OSBPL10: variants seen among roughly 807,000 people sequenced by gnomAD.
The protein encoded by OSBPL10 is oxysterol binding protein like 10, also known as oxysterol-binding protein-related protein 10.
A neutral mutation model predicts 81.7 loss-of-function variants in OSBPL10; 49 were observed. The observed-to-expected ratio is 0.60, with a 90% confidence interval of 0.48 to 0.76. The LOEUF (loss-of-function observed/expected upper bound fraction) is 0.76. Among genes scored for constraint, OSBPL10 ranks in the 30% least tolerant of loss-of-function variants. The probability of loss-of-function intolerance (pLI) is 0.00; values close to 1 mark genes in which losing one functional copy is unlikely to be tolerated. For missense variants in OSBPL10, 923 were observed against 987.8 expected (o/e 0.93, Z 0.88); for synonymous variants, 419 against 383.6 (o/e 1.09, Z -1.08).
intron 1 of OSBPL10, among the ~76,000 whole-genome samples, chr3:31,915,406 A>G (rs1370787021): frequency 6.6e-6 from 1 of 152,174 alleles, no homozygotes; most frequent in Admixed American, 6.5e-5. Context: ...TGTGGTACAC[A>G]TATATCATGG....
intron 3 of OSBPL10, among the ~76,000 whole-genome samples, chr3:31,875,028 G>A (rs1224596381): frequency 2.1e-5 from 3 of 145,604 alleles, no homozygotes; most frequent in African/African-American, 7.7e-5. Context: ...AACCAAAAAG[G>A]AGTGCAAGTA....
chr3:31,780,606 A>G (rs969001924), intron 4 of OSBPL10, among the ~76,000 whole-genome samples: 15 of 152,186 alleles, frequency 9.9e-5, no homozygotes, highest in Non-Finnish European at 2.2e-4. Flanking sequence ...AATAAGCTCA[A>G]TTAGAAAGAA....
intron 6 of OSBPL10, chr3:31,732,746 C>T: frequency 6.1e-6 from 1 of 164,478 alleles, no homozygotes; most frequent in Non-Finnish European, 1.3e-5. Flanking sequence ...CCTGACGAGG[C>T]AGTGCATATC....
chr3:31,821,415 T>C (rs1424060438), intron 4 of OSBPL10, among the ~76,000 whole-genome samples: 1 of 152,204 alleles, frequency 6.6e-6, no homozygotes, highest in African/African-American at 2.4e-5. Context: ...CCAGCCAACC[T>C]GCTTCACTAT....
chr3:31,693,195 T>C (rs1341721524), intron 7 of OSBPL10, among the ~76,000 whole-genome samples: 1 of 152,166 alleles, frequency 6.6e-6, no homozygotes, highest in East Asian at 1.9e-4. Flanking sequence ...ATCTCTGCCT[T>C]GTGGGGTTCA....
intron 3 of OSBPL10, among the ~76,000 whole-genome samples, chr3:31,871,137 G>A (rs1701313465): frequency 6.6e-6 from 1 of 152,162 alleles, no homozygotes; most frequent in East Asian, 1.9e-4. Flanking sequence ...CTTCTGCACT[G>A]TAGAAGGTTT....
intron 4 of OSBPL10, among the ~76,000 whole-genome samples, chr3:31,809,815 T>C (rs535415731): frequency 6.9e-4 from 103 of 149,862 alleles, no homozygotes; most frequent in Admixed American, 1.5e-3. Context: ...ATTCAAAAAA[T>C]GGGATTGGAA....
chr3:31,914,504 C>T (rs1474007036), intron 1 of OSBPL10, among the ~76,000 whole-genome samples: 1 of 152,150 alleles, frequency 6.6e-6, no homozygotes, highest in Non-Finnish European at 1.5e-5. Context: ...GTCAGTATAT[C>T]TCATGTGACT....
At chr3:31,825,910 T>G (rs1700088804) in intron 4 of OSBPL10, among the ~76,000 whole-genome samples, 2 of 152,226 alleles carry the variant, frequency 1.3e-5, no homozygotes, top group Non-Finnish European at 2.9e-5. Flanking sequence ...TCTGTATAGT[T>G]ATTTTCCTAC....
At chr3:31,691,608 T>C (rs1327428072) in intron 7 of OSBPL10, among the ~76,000 whole-genome samples, 1 of 152,118 alleles carries the variant, frequency 6.6e-6, no homozygotes, top group Non-Finnish European at 1.5e-5. Flanking sequence ...GTAGTCTTAC[T>C]GTTGTCTTAG....
intron 4 of OSBPL10, among the ~76,000 whole-genome samples, chr3:31,804,068 A>C (rs1699464135): frequency 6.6e-6 from 1 of 152,218 alleles, no homozygotes; most frequent in Admixed American, 6.5e-5. Flanking sequence ...ATTAGTGTAC[A>C]TCAATGGTTC....
chr3:31,769,416 G>C (rs1174204661), intron 4 of OSBPL10, among the ~76,000 whole-genome samples: 4 of 113,622 alleles, frequency 3.5e-5, no homozygotes, highest in Admixed American at 1.2e-4. Flanking sequence ...CTGCACTCCA[G>C]CCTGGGCAAC....
At chr3:31,719,224 G>GA (rs139481556) in intron 6 of OSBPL10, among the ~76,000 whole-genome samples, 1 of 152,162 alleles carries the variant, frequency 6.6e-6, no homozygotes, top group Admixed American at 6.5e-5. Context: ...ATCTTCATGA[G>GA]AAAAAATTTT....
At chr3:32,011,384 A>G (rs559909969) in intron 2 of OSBPL10, among the ~76,000 whole-genome samples, 1 of 152,338 alleles carries the variant, frequency 6.6e-6, no homozygotes, top group East Asian at 1.9e-4. Context: ...GAGGGTCCTG[A>G]CTGTTAGAAG....
At chr3:31,963,580 C>T (rs1698229681) in intron 1 of OSBPL10, among the ~76,000 whole-genome samples, 1 of 152,110 alleles carries the variant, frequency 6.6e-6, no homozygotes. Flanking sequence ...ACACACCCAC[C>T]CAAAGAGGCG....
upstream of OSBPL10, among the ~76,000 whole-genome samples, chr3:31,985,015 G>A (rs1335557290): frequency 2.0e-5 from 3 of 152,202 alleles, no homozygotes; most frequent in Non-Finnish European, 1.5e-5. Flanking sequence ...AAGGTGGGCG[G>A]GTCACGTGAG....
intron 2 of OSBPL10, chr3:31,990,836 G>T (rs1446886534): frequency 1.3e-6 from 2 of 1,589,310 alleles, no homozygotes; most frequent in African/African-American, 2.7e-5. Context: ...AAACAAAGGA[G>T]AATTCATATG....
chr3:31,708,309 A>G (rs1191680134), intron 6 of OSBPL10, among the ~76,000 whole-genome samples: 1 of 152,178 alleles, frequency 6.6e-6, no homozygotes, highest in African/African-American at 2.4e-5. Context: ...AGTCCCTTTT[A>G]TCTCTAGTCA....
At chr3:31,835,346 C>A (rs925377114) in intron 3 of OSBPL10, among the ~76,000 whole-genome samples, 1 of 151,638 alleles carries the variant, frequency 6.6e-6, no homozygotes, top group African/African-American at 2.4e-5. Context: ...TTAATACTTG[C>A]GATAAACAAA....
Sources: allele counts gnomAD v4.1 joint callset (sites outside exome capture counted in the v4.1 genomes callset), GRCh38; gene constraint gnomAD v4.1.1; transcripts MANE v1.5; gene names NCBI Gene and HGNC (gene_info 2026-07-23, HGNC 2026-07-21).